WDR41: variants seen among roughly 807,000 people sequenced by gnomAD.
The protein encoded by WDR41 is WD repeat-containing protein 41.
In WDR41, 63 loss-of-function variants were observed where a neutral mutation model predicts 69.3. That is an observed-to-expected ratio of 0.91 (90% CI 0.74 to 1.12). The LOEUF is 1.12. Ranked by LOEUF, WDR41 falls within the 50% of genes most tolerant of loss-of-function variation. The pLI, the probability that WDR41 is intolerant of heterozygous loss-of-function variation, is 0.00. For missense variants in WDR41, 543 were observed against 534.5 expected (o/e 1.02, Z -0.16); for synonymous variants, 185 against 192.1 (o/e 0.96, Z 0.31).
intron 2 of WDR41, among the ~76,000 whole-genome samples, chr5:77,473,117 C>T (rs1019382649): frequency 2.0e-5 from 3 of 151,928 alleles, no homozygotes; most frequent in South Asian, 2.1e-4. Flanking sequence ...TGGAATAGAA[C>T]AGAGCCCTCA....
chr5:77,454,792 T>G (rs540137255), intron 5 of WDR41, among the ~76,000 whole-genome samples: 5 of 152,340 alleles, frequency 3.3e-5, no homozygotes, highest in African/African-American at 1.2e-4. Context: ...CAATGCAGTT[T>G]ATATTTCTAG....
At chr5:77,500,781 G>A (rs1205235359) in intron 1 of WDR41, among the ~76,000 whole-genome samples, 1 of 152,196 alleles carries the variant, frequency 6.6e-6, no homozygotes, top group Admixed American at 6.5e-5. Flanking sequence ...CTTCTAATAG[G>A]TATAAAGAAG....
chr5:77,618,120 G>T (rs79444912), intron 1 of WDR41, among the ~76,000 whole-genome samples: 1,955 of 152,308 alleles, frequency 0.013, 37 homozygotes, highest in African/African-American at 0.045. Context: ...GCTCAACATT[G>T]CTTTCCAGAT....
Position 77,431,481 on chromosome 5 carries a change from A to G in WDR41, c.*1654T>C, listed in dbSNP as rs980970034. 1 of 152,206 alleles carries G rather than the reference A, an allele frequency of 6.6e-6. No individual in the cohort carries two copies. The highest frequency in any genetic ancestry group is 2.4e-5 in the African/African-American group (1 of 41,448). The allele number at this position is 152,206 out of a possible 1,614,324, so 9.4% of individuals were successfully genotyped here. ...CCAAAAACTAGATGTGACTCACTCT[A>G]TTTGCAATAGTTGCTTTTTTGATGT... On this transcript the variant is annotated 3_prime_UTR_variant, in exon 13 of 13. Coordinates refer to ENST00000296679, the MANE Select transcript of WDR41 (RefSeq NM_018268.4).
intron 1 of WDR41, among the ~76,000 whole-genome samples, chr5:77,567,932 CT>C (rs1474046828): frequency 6.6e-6 from 1 of 151,144 alleles, no homozygotes; most frequent in Non-Finnish European, 1.5e-5. Flanking sequence ...AAATCAGTGC[CT>C]AGGGAATGAA....
At chr5:77,453,786 C>A in intron 6 of WDR41, 31 bp downstream of exon 6, 1 of 1,542,290 alleles carries the variant, frequency 6.5e-7, no homozygotes, top group Non-Finnish European at 9.0e-7. Flanking sequence ...GTCTGTCAAT[C>A]ATAGTTCAAA....
At chr5:77,467,637 G>A (rs565647416) in intron 2 of WDR41, among the ~76,000 whole-genome samples, 1 of 152,002 alleles carries the variant, frequency 6.6e-6, no homozygotes, top group African/African-American at 2.4e-5. Context: ...TTATAACATG[G>A]CACTTGCCAG....
intron 1 of WDR41, among the ~76,000 whole-genome samples, chr5:77,507,000 C>G (rs747305040): frequency 6.6e-6 from 1 of 152,012 alleles, no homozygotes; most frequent in African/African-American, 2.4e-5. Flanking sequence ...CAAACCTGCA[C>G]GTTGTGCACA....
At chr5:77,469,890 A>C (rs1024154667) in intron 2 of WDR41, among the ~76,000 whole-genome samples, 2 of 152,174 alleles carry the variant, frequency 1.3e-5, no homozygotes, top group African/African-American at 4.8e-5. Flanking sequence ...CCAATCTAGC[A>C]AGGCAGGCCA....
chr5:77,487,965 T>C (rs1366974052), intron 2 of WDR41, among the ~76,000 whole-genome samples: 1 of 152,202 alleles, frequency 6.6e-6, no homozygotes. Flanking sequence ...ACATGGAAGC[T>C]TTGCATGTGG....
intron 1 of WDR41, among the ~76,000 whole-genome samples, chr5:77,511,707 C>T (rs570957249): frequency 1.1e-3 from 160 of 152,190 alleles, no homozygotes; most frequent in African/African-American, 3.7e-3. Flanking sequence ...TAGGTTAGTT[C>T]ACTGTCAGCA....
intron 1 of WDR41, among the ~76,000 whole-genome samples, chr5:77,507,204 T>G (rs1303881257): frequency 1.3e-5 from 2 of 152,208 alleles, no homozygotes; most frequent in African/African-American, 4.8e-5. Flanking sequence ...GGAGATTGGT[T>G]GCATGAGAAC....
chr5:77,454,764 A>C (rs1478557766), intron 5 of WDR41, among the ~76,000 whole-genome samples: 1 of 152,216 alleles, frequency 6.6e-6, no homozygotes, highest in African/African-American at 2.4e-5. Context: ...TGTTGGATTA[A>C]AAAGAGTTGA....
upstream of WDR41, among the ~76,000 whole-genome samples, chr5:77,494,960 A>G (rs1801915893): frequency 6.6e-6 from 1 of 152,182 alleles, no homozygotes; most frequent in Admixed American, 6.5e-5. Context: ...ATCTTCTCTG[A>G]CCACAACAGG....
chr5:77,600,198 A>C (rs530782407), intron 1 of WDR41, among the ~76,000 whole-genome samples: 9 of 152,288 alleles, frequency 5.9e-5, no homozygotes, highest in African/African-American at 2.2e-4. Flanking sequence ...TTACCAATAT[A>C]ATCAAATCCC....
chr5:77,498,851 G>T (rs966528782), intron 1 of WDR41, among the ~76,000 whole-genome samples: 1 of 148,064 alleles, frequency 6.8e-6, no homozygotes, highest in African/African-American at 2.5e-5. Flanking sequence ...AAGAAAAAAA[G>T]AAAAAACCAT....
At chr5:77,439,492 T>A (rs1480152086) in intron 9 of WDR41, among the ~76,000 whole-genome samples, 1 of 152,216 alleles carries the variant, frequency 6.6e-6, no homozygotes, top group East Asian at 1.9e-4. Context: ...GCCCTGTGGA[T>A]TGTATTCAAT....
rs199672917 is a variant in WDR41 at position 77,580,645 on chromosome 5, GA to G, written c.42+39833del. Among the ~76,000 whole-genome samples, 493 of 151,614 alleles carry G rather than the reference GA, an allele frequency of 3.3e-3. 3 individuals carry two copies. The highest frequency in any genetic ancestry group is 0.011 in the African/African-American group (473 of 41,386). On this transcript the variant is annotated intron_variant, in intron 1 of 5. Transcript: ENST00000509971. The stretch of plus-strand genomic sequence containing the variant: ...AAAAGAAAGCAGTACAAAAGAAATG[GA>G]AAAAAAATATATAAAAAATAAAAAG...
intron 2 of WDR41, among the ~76,000 whole-genome samples, chr5:77,488,825 C>T (rs1801637016): frequency 6.7e-6 from 1 of 149,394 alleles, no homozygotes; most frequent in Non-Finnish European, 1.5e-5. Context: ...AATTACACCA[C>T]TAATTATGTA....
Sources: gnomAD v4.1 joint callset for allele counts (sites outside exome capture counted in the v4.1 genomes callset) on GRCh38, gnomAD v4.1.1 for gene constraint, MANE v1.5 for transcripts, NCBI Gene and HGNC (gene_info 2026-07-23, HGNC 2026-07-21) for gene names.